LRRIQ1: variants seen among roughly 807,000 people sequenced by gnomAD.
The protein encoded by LRRIQ1 is leucine-rich repeat- and IQ domain-containing protein 1.
In LRRIQ1, 210 loss-of-function variants were observed where a neutral mutation model predicts 211.9. The ratio of observed to expected loss-of-function variants is 0.99; its 90% CI spans 0.89 to 1.11. The LOEUF (loss-of-function observed/expected upper bound fraction) is 1.11. Ranked by LOEUF, LRRIQ1 falls within the 50% of genes most tolerant of loss-of-function variation. The pLI, the probability that LRRIQ1 is intolerant of heterozygous loss-of-function variation, is 0.00. For missense variants in LRRIQ1, 2,136 were observed against 1,939.5 expected (o/e 1.10, Z -1.90); for synonymous variants, 699 against 650.1 (o/e 1.08, Z -1.14).
chr12:85,143,872 G>A (rs1414702401), intron 19 of LRRIQ1, among the ~76,000 whole-genome samples: 1 of 151,510 alleles, frequency 6.6e-6, no homozygotes, highest in African/African-American at 2.4e-5. Context: ...GCTTAAAGAA[G>A]CAAGAGGTGT....
At chr12:85,167,444 T>G (rs980246592) in intron 24 of LRRIQ1, among the ~76,000 whole-genome samples, 7 of 152,150 alleles carry the variant, frequency 4.6e-5, no homozygotes, top group African/African-American at 1.7e-4. Flanking sequence ...AGTCGTTTGC[T>G]GAAGGCCCAA....
At chr12:85,224,825 G>T (rs948829135) in intron 24 of LRRIQ1, among the ~76,000 whole-genome samples, 2 of 151,948 alleles carry the variant, frequency 1.3e-5, no homozygotes, top group Non-Finnish European at 2.9e-5. Context: ...CATGGCACGT[G>T]TATAGTTATA....
intron 11 of LRRIQ1, among the ~76,000 whole-genome samples, chr12:85,080,986 C>T (rs140649274): frequency 6.6e-6 from 1 of 152,098 alleles, no homozygotes; most frequent in African/African-American, 2.4e-5. Flanking sequence ...TTACTTAGGG[C>T]AATCTCTGTG....
chr12:85,050,615 G>A (rs1052196809), intron 6 of LRRIQ1, among the ~76,000 whole-genome samples: 5 of 151,620 alleles, frequency 3.3e-5, no homozygotes, highest in African/African-American at 9.7e-5. Context: ...ATCCATCTTC[G>A]CATCCATGTA....
intron 16 of LRRIQ1, among the ~76,000 whole-genome samples, chr12:85,123,670 A>G (rs554070550): frequency 5.6e-4 from 86 of 152,274 alleles, no homozygotes; most frequent in Middle Eastern, 6.8e-3. Context: ...TCCAATACAA[A>G]TATTTTGCGT....
At chr12:85,050,892 C>T (rs974116843) in intron 6 of LRRIQ1, among the ~76,000 whole-genome samples, 2 of 152,110 alleles carry the variant, frequency 1.3e-5, no homozygotes, top group Admixed American at 1.3e-4. Context: ...TTCATGTTTA[C>T]GTTGTCTTTG....
chr12:85,037,439 C>T (rs564127833), intron 1 of LRRIQ1, among the ~76,000 whole-genome samples: 1 of 152,116 alleles, frequency 6.6e-6, no homozygotes, highest in South Asian at 2.1e-4. Flanking sequence ...AGTTCCATTG[C>T]AGGATAATAT....
In LRRIQ1 at chr12:85,252,227, T is replaced by C. The variant is rs1400962096; in HGVS notation, c.121+7318T>C. On this transcript the variant is annotated intron_variant, in intron 1 of 1. Transcript: ENST00000602731. ...AGAATATTCTACTATAAATATTTAG[T>C]AGTTGATTTTTAATGTCCCAATCCA... Among the ~76,000 whole-genome samples, 6 of 151,872 alleles carry C rather than the reference T, an allele frequency of 4.0e-5. No homozygotes were observed. In the Admixed American group the frequency reaches 4.0e-4, roughly 10 times the overall value.
chr12:85,149,986 A>G (rs548122105), intron 19 of LRRIQ1, among the ~76,000 whole-genome samples: 2 of 151,790 alleles, frequency 1.3e-5, no homozygotes, highest in Non-Finnish European at 2.9e-5. Flanking sequence ...CTCTATCAAC[A>G]TCTCTATGAT....
downstream of LRRIQ1, among the ~76,000 whole-genome samples, chr12:85,249,279 A>T (rs1186472357): frequency 6.6e-6 from 1 of 151,872 alleles, no homozygotes; most frequent in Admixed American, 6.6e-5. Flanking sequence ...AAGTAGAATA[A>T]GCACATTTCA....
chr12:85,153,091 T>C lies in LRRIQ1; in HGVS notation c.4487T>C (p.Leu1496Ser), dbSNP rs1272598756. Residue 1496 changes from leucine (L) to serine (S), a missense_variant, in exon 21 of 27, where the codon TTA (leucine) becomes TCA (serine). Leu to Ser is a moderately radical substitution (Grantham distance 145). Transcript: ENST00000393217. ...NLPSNPAQAW[L>S]CNDKENLSSS... ...CCAAGTAATCCAGCTCAAGCATGGT[T>C]ATGTAATGACAAAGAAAATTTGTCT... 3 of 1,588,728 alleles carry C rather than the reference T, an allele frequency of 1.9e-6. No homozygotes were observed. Among genetic ancestry groups the C allele is most frequent in the African/African-American group, 1.4e-5 (1 of 73,776 alleles).
At chr12:85,047,072 A>C (rs1206342575) in intron 5 of LRRIQ1, among the ~76,000 whole-genome samples, 175 bp from the exon 6 acceptor site, 3 of 152,124 alleles carry the variant, frequency 2.0e-5, no homozygotes, top group African/African-American at 7.2e-5. Context: ...TAATGGGTGC[A>C]GCACACCAAC....
chr12:85,168,945 C>T (rs1004054381), intron 24 of LRRIQ1, among the ~76,000 whole-genome samples: 3 of 152,136 alleles, frequency 2.0e-5, no homozygotes, highest in Non-Finnish European at 4.4e-5. Context: ...ATGGCAACAA[C>T]ATATCATCAA....
chr12:85,263,455 A>G (rs1038215601), exon 2 of LRRIQ1: 7 of 152,080 alleles, frequency 4.6e-5, no homozygotes, highest in Non-Finnish European at 8.8e-5. Flanking sequence ...TGATTAATAT[A>G]TTAATAAACT....
At chr12:85,180,600 T>G (rs909053465) in intron 24 of LRRIQ1, among the ~76,000 whole-genome samples, 3 of 151,952 alleles carry the variant, frequency 2.0e-5, no homozygotes, top group Admixed American at 6.6e-5. Flanking sequence ...CATACATTTC[T>G]TTGTCCATTT....
chr12:85,245,648 CAA>C (rs1376347690), downstream of LRRIQ1, among the ~76,000 whole-genome samples: 2 of 150,704 alleles, frequency 1.3e-5, no homozygotes, highest in African/African-American at 4.8e-5. Flanking sequence ...TCACGGGAAT[CAA>C]GAGCGATTTC....
chr12:85,214,330 G>A (rs1296100094), intron 24 of LRRIQ1, among the ~76,000 whole-genome samples: 2 of 152,052 alleles, frequency 1.3e-5, no homozygotes, highest in Admixed American at 6.6e-5. Context: ...CCCACAAGGT[G>A]TTTATGAAAG....
chr12:85,178,925 A>AC (rs59891117), intron 24 of LRRIQ1, among the ~76,000 whole-genome samples: 8 of 151,270 alleles, frequency 5.3e-5, no homozygotes, highest in Non-Finnish European at 8.9e-5. Context: ...AAAAAAAAAA[A>AC]CAGCCTCTGA....
chr12:85,076,845 A>C (rs1883717665), intron 11 of LRRIQ1, among the ~76,000 whole-genome samples: 1 of 151,852 alleles, frequency 6.6e-6, no homozygotes, highest in Admixed American at 6.6e-5. Context: ...AGGGCAACAC[A>C]ATGCTTAGTG....
Sources: gnomAD v4.1 joint callset for allele counts (sites outside exome capture counted in the v4.1 genomes callset) on GRCh38, gnomAD v4.1.1 for gene constraint, MANE v1.5 for transcripts, NCBI Gene and HGNC (gene_info 2026-07-23, HGNC 2026-07-21) for gene names.